The following ASTN1 variants were observed in gnomAD, a reference collection of about 807,000 sequenced individuals.
The protein encoded by ASTN1 is astrotactin-1.
Under a neutral mutation model 140.7 loss-of-function variants are expected in ASTN1, and 41 were observed. The ratio of observed to expected loss-of-function variants is 0.29; its 90% confidence interval spans 0.23 to 0.38. The LOEUF (loss-of-function observed/expected upper bound fraction) is 0.38, where lower values mean the gene tolerates loss of function less well. Among genes scored for constraint, ASTN1 ranks in the 10% least tolerant of loss-of-function variants. The pLI is 1.00. For missense variants in ASTN1, 1,479 were observed against 1,678.8 expected, an observed-to-expected ratio of 0.88 and a Z score of 2.08; for synonymous variants, 640 against 652.2, an observed-to-expected ratio of 0.98 and a Z score of 0.29.
intron 1 of ASTN1, among the ~76,000 whole-genome samples, chr1:177,075,156 C>T (rs1203941482): frequency 1.3e-5 from 2 of 152,054 alleles, no homozygotes; most frequent in Non-Finnish European, 2.9e-5. Context: ...TCACTGCAAC[C>T]TCCGCCTCCC....
At chr1:176,918,655 C>T (rs941592875) in intron 16 of ASTN1, among the ~76,000 whole-genome samples, 3 of 152,234 alleles carry the variant, frequency 2.0e-5, no homozygotes, top group Admixed American at 2.0e-4. Flanking sequence ...TGTGTCCTTT[C>T]CTTTCCATTG....
chr1:177,139,734 C>T (rs1036996700), intron 1 of ASTN1, among the ~76,000 whole-genome samples: 3 of 152,118 alleles, frequency 2.0e-5, no homozygotes, highest in African/African-American at 7.2e-5. Context: ...GAGGGTAAGA[C>T]AAGGTGAGGA....
At chr1:177,112,623 A>G (rs1017830514) in intron 1 of ASTN1, among the ~76,000 whole-genome samples, 1 of 152,202 alleles carries the variant, frequency 6.6e-6, no homozygotes, top group African/African-American at 2.4e-5. Flanking sequence ...CCAAACAGGC[A>G]TCTCTTTTCT....
downstream of ASTN1, chr1:176,857,766 C>T (rs529499240): frequency 2.4e-5 from 10 of 415,822 alleles, no homozygotes; most frequent in South Asian, 4.6e-4. Flanking sequence ...GAGGCAGTGG[C>T]TGATTAGGAG....
At chr1:177,119,709 C>T (rs914967574) in intron 1 of ASTN1, among the ~76,000 whole-genome samples, 17 of 152,324 alleles carry the variant, frequency 1.1e-4, no homozygotes, top group Middle Eastern at 3.4e-3. Flanking sequence ...TTGACCACTA[C>T]GGACTAGTGT....
In ASTN1 at chr1:176,861,897, G is replaced by A; in HGVS notation, c.*2387C>T. The A allele has an allele frequency of 4.1e-6, 4 of 985,388 alleles. No homozygotes were observed. The highest frequency in any genetic ancestry group is 4.8e-6 in the Non-Finnish European group (4 of 829,946). The allele number at this position is 985,388 out of a possible 1,614,324, so 61.0% of individuals were successfully genotyped here. Reference sequence around the variant, plus strand: ...TGTGCCTAAAATAAAAACAGAAGGAGAGGGTACAGAGGAGTGACTCTGATA... The same window carrying A: ...TGTGCCTAAAATAAAAACAGAAGGAAAGGGTACAGAGGAGTGACTCTGATA... On this transcript the variant is annotated 3_prime_UTR_variant, in exon 23 of 23. Coordinates refer to ENST00000361833, the MANE Select transcript of ASTN1 (RefSeq NM_004319.3).
Position 177,032,484 on chromosome 1 carries a change from A to T in ASTN1, c.837T>A (p.Asn279Lys). ...TRTLDSLQGC[N>K]EKSGMDLTPG... ...GTGTGAGGTCCATCCCCGACTTTTC[A>T]TTGCAGCCCTGCAGGGAGTCGAGGG... The change falls in exon 3 of 23, where the codon AAT (asparagine) becomes AAA (lysine). Residue 279 changes from asparagine (N) to lysine (K), a missense_variant. Physicochemically the swap from Asn to Lys is moderately conservative, Grantham distance 94 (BLOSUM62 0). Around this residue, in one of 3 missense-constraint regions of ASTN1, gnomAD observed 729 missense variants for 860.4 expected, o/e 0.85. Coordinates refer to ENST00000361833, the MANE Select transcript of ASTN1 (RefSeq NM_004319.3). 6.2e-7 allele frequency: 1 copy of T among 1,613,960 alleles called. No individual in the cohort carries two copies. Among genetic ancestry groups the T allele is most frequent in the Non-Finnish European group, 8.5e-7 (1 of 1,179,980 alleles).
intron 1 of ASTN1, among the ~76,000 whole-genome samples, chr1:177,157,145 T>C (rs1303371929): frequency 6.6e-6 from 1 of 152,210 alleles, no homozygotes; most frequent in Non-Finnish European, 1.5e-5. Context: ...AGACTTTTGT[T>C]AAAAATCATG....
intron 1 of ASTN1, among the ~76,000 whole-genome samples, chr1:177,076,292 A>AG (rs1553253132): frequency 3.3e-5 from 5 of 149,664 alleles, no homozygotes; most frequent in South Asian, 2.1e-4. Flanking sequence ...AAAAAAAAAA[A>AG]AAAGAAAGAA....
chr1:177,040,539 T>C (rs763265463), intron 2 of ASTN1, among the ~76,000 whole-genome samples: 17 of 152,154 alleles, frequency 1.1e-4, no homozygotes, highest in Non-Finnish European at 2.1e-4. Context: ...TGGGTAAATA[T>C]AGGGACTAGG....
intron 16 of ASTN1, among the ~76,000 whole-genome samples, chr1:176,929,158 G>A (rs1255693478): frequency 6.6e-6 from 1 of 152,226 alleles, no homozygotes; most frequent in African/African-American, 2.4e-5. Context: ...GGAGAGGTGA[G>A]AGGGGGTGGT....
At chr1:176,896,844 A>G (rs1444936562) in intron 16 of ASTN1, among the ~76,000 whole-genome samples, 1 of 152,224 alleles carries the variant, frequency 6.6e-6, no homozygotes, top group African/African-American at 2.4e-5. Context: ...TGAGAGGAAC[A>G]GAATGAGTGT....
At chr1:177,039,299 T>C (rs1237361917) in intron 2 of ASTN1, among the ~76,000 whole-genome samples, 1 of 152,244 alleles carries the variant, frequency 6.6e-6, no homozygotes, top group East Asian at 1.9e-4. Flanking sequence ...AGGAATCACA[T>C]ACAAGAGTTT....
intron 1 of ASTN1, among the ~76,000 whole-genome samples, chr1:177,067,089 C>A (rs1175027512): frequency 6.6e-6 from 1 of 151,900 alleles, no homozygotes; most frequent in Non-Finnish European, 1.5e-5. Context: ...TTATCCAAAC[C>A]AAATCTAGTA....
At chr1:176,991,472 A>T (rs1674171505) in intron 8 of ASTN1, among the ~76,000 whole-genome samples, 1 of 147,634 alleles carries the variant, frequency 6.8e-6, no homozygotes, top group African/African-American at 2.5e-5. Context: ...ACAACAAAAC[A>T]AAAAGAAACG....
chr1:176,914,273 G>A (rs1670385134), intron 16 of ASTN1, among the ~76,000 whole-genome samples: 1 of 152,218 alleles, frequency 6.6e-6, no homozygotes, highest in Non-Finnish European at 1.5e-5. Flanking sequence ...GAGACTATAA[G>A]TGTCACAGGA....
intron 8 of ASTN1, among the ~76,000 whole-genome samples, chr1:176,998,709 G>T (rs910355650): frequency 2.0e-5 from 3 of 152,158 alleles, no homozygotes; most frequent in Non-Finnish European, 4.4e-5. Flanking sequence ...ACATTACCCC[G>T]CATTTCAAAG....
intron 18 of ASTN1, 90 bp downstream of exon 18, chr1:176,887,981 T>A: frequency 6.4e-7 from 1 of 1,555,922 alleles, no homozygotes; most frequent in Non-Finnish European, 8.8e-7. Context: ...TTTTTCTTTG[T>A]TTCCCAGTAC....
chr1:176,968,574 G>A (rs1473308533), intron 8 of ASTN1, among the ~76,000 whole-genome samples: 1 of 152,226 alleles, frequency 6.6e-6, no homozygotes, highest in Non-Finnish European at 1.5e-5. Flanking sequence ...ATTGTGAAAT[G>A]GCAAGAGAAG....
Sources: allele counts gnomAD v4.1 joint callset (sites outside exome capture counted in the v4.1 genomes callset), GRCh38; gene constraint gnomAD v4.1.1; regional missense constraint gnomAD v4.1.1; transcripts MANE v1.5; gene names NCBI Gene and HGNC (gene_info 2026-07-23, HGNC 2026-07-21).